SORBS2: variants seen among roughly 807,000 people sequenced by gnomAD.
The protein encoded by SORBS2 is sorbin and SH3 domain containing 2.
A neutral mutation model predicts 97.7 loss-of-function variants in SORBS2; 46 were observed. The ratio of observed to expected loss-of-function variants is 0.47; its 90% CI spans 0.37 to 0.60. SORBS2 has a LOEUF of 0.60. SORBS2 is among the 20% of genes least tolerant of loss of function. The probability of loss-of-function intolerance (pLI) is 0.00; values close to 1 mark genes in which losing one functional copy is unlikely to be tolerated. For missense variants in SORBS2, 1,316 were observed against 1,282.3 expected (o/e 1.03, Z -0.40); for synonymous variants, 476 against 473.4 (o/e 1.01, Z -0.07).
intron 2 of SORBS2, among the ~76,000 whole-genome samples, chr4:185,761,202 C>A (rs2098887339): frequency 6.6e-6 from 1 of 152,178 alleles, no homozygotes; most frequent in Non-Finnish European, 1.5e-5. Flanking sequence ...TCAGTAATGT[C>A]TTTATTCATT....
intron 1 of SORBS2, among the ~76,000 whole-genome samples, chr4:185,954,617 G>C (rs879475720): frequency 6.6e-6 from 1 of 152,156 alleles, no homozygotes; most frequent in Non-Finnish European, 1.5e-5. Context: ...TAAACGAAGC[G>C]TCTCTTATTG....
chr4:185,954,551 G>A (rs937377841), intron 1 of SORBS2, among the ~76,000 whole-genome samples: 16 of 152,166 alleles, frequency 1.1e-4, no homozygotes, highest in African/African-American at 2.9e-4. Context: ...TCACAGAGGC[G>A]AAGTGTATTT....
At chr4:185,626,879 G>C (rs375483585) in exon 6 of SORBS2, 1 of 1,614,236 alleles carries the variant, frequency 6.2e-7, no homozygotes, top group Non-Finnish European at 8.5e-7. Context: ...GAAAGACTTT[G>C]TAAGAGTGGT....
At chr4:185,813,764 C>G (rs1311988896) in intron 1 of SORBS2, among the ~76,000 whole-genome samples, 1 of 152,220 alleles carries the variant, frequency 6.6e-6, no homozygotes, top group Non-Finnish European at 1.5e-5. Context: ...CCACCTCACT[C>G]ATGACTCTCC....
At chr4:185,952,584 C>T (rs1045705124) in intron 1 of SORBS2, among the ~76,000 whole-genome samples, 2 of 152,192 alleles carry the variant, frequency 1.3e-5, no homozygotes, top group East Asian at 1.9e-4. Flanking sequence ...GCATGCAGTG[C>T]AGTTCCCTTG....
chr4:185,702,288 G>C (rs2098274907), intron 2 of SORBS2, among the ~76,000 whole-genome samples: 1 of 152,128 alleles, frequency 6.6e-6, no homozygotes, highest in Non-Finnish European at 1.5e-5. Flanking sequence ...TGGTGGAGGG[G>C]AGAAGGTTAA....
At chr4:185,754,519 C>T (rs1019366398) in intron 2 of SORBS2, among the ~76,000 whole-genome samples, 6 of 152,100 alleles carry the variant, frequency 3.9e-5, no homozygotes, top group Admixed American at 6.6e-5. Flanking sequence ...CTTGATAACA[C>T]GTTTTATGTA....
At chr4:185,891,586 C>A (rs371362786) in intron 1 of SORBS2, among the ~76,000 whole-genome samples, 1 of 152,154 alleles carries the variant, frequency 6.6e-6, no homozygotes, top group East Asian at 1.9e-4. Context: ...GCACTTCTGA[C>A]CACCAATGGC....
chr4:185,814,927 T>C, intron 1 of SORBS2, among the ~76,000 whole-genome samples: 1 of 152,234 alleles, frequency 6.6e-6, no homozygotes, highest in Non-Finnish European at 1.5e-5. Context: ...CTAGCCCAGG[T>C]CCCTGACGTT....
intron 2 of SORBS2, among the ~76,000 whole-genome samples, chr4:185,702,218 G>A (rs79379361): frequency 0.042 from 6,456 of 152,184 alleles, 339 homozygotes; most frequent in East Asian, 0.22. Context: ...CAGCCTGCAC[G>A]GGACGCATGG....
At chr4:185,791,680 T>A (rs967656250) in intron 1 of SORBS2, among the ~76,000 whole-genome samples, 5 of 151,762 alleles carry the variant, frequency 3.3e-5, no homozygotes, top group Admixed American at 6.6e-5. Flanking sequence ...ATACTTGATA[T>A]TTGTCACACT....
At chr4:185,866,500 A>G (rs2099226955) in intron 1 of SORBS2, among the ~76,000 whole-genome samples, 1 of 152,220 alleles carries the variant, frequency 6.6e-6, no homozygotes, top group Non-Finnish European at 1.5e-5. Context: ...AGCCCCATTC[A>G]AGAGCGTCAT....
Position 185,939,574 on chromosome 4 carries a change from G to A in SORBS2, c.-338+16622C>T, listed in dbSNP as rs182172282. Among the ~76,000 whole-genome samples, 51 of 152,000 alleles carry A rather than the reference G, an allele frequency of 3.4e-4. 1 individual carries two copies. The highest frequency in any genetic ancestry group is 3.4e-3 in the Middle Eastern group (1 of 294). On this transcript the variant is annotated intron_variant, in intron 1 of 20. Transcript: ENST00000284776. ...TGCCCAGGCTGGAGTGCGATGGCGCGACCTCGGCTCACCGCAACCTCTGCC... is the reference window on the plus strand; with the variant it reads ...TGCCCAGGCTGGAGTGCGATGGCGCAACCTCGGCTCACCGCAACCTCTGCC...
chr4:185,707,001 G>T (rs2098353481), intron 2 of SORBS2, among the ~76,000 whole-genome samples: 2 of 152,218 alleles, frequency 1.3e-5, no homozygotes, highest in Admixed American at 1.3e-4. Context: ...TGCTTTTCTT[G>T]TGAATTAACT....
intron 1 of SORBS2, among the ~76,000 whole-genome samples, chr4:185,878,422 G>T (rs62335021): frequency 0.13 from 19,664 of 152,006 alleles, 1,547 homozygotes; most frequent in Non-Finnish European, 0.18. Flanking sequence ...TCGTCCCTCC[G>T]CCTTATTTCC....
At chr4:185,710,795 G>A (rs1367016588) in intron 2 of SORBS2, among the ~76,000 whole-genome samples, 2 of 152,180 alleles carry the variant, frequency 1.3e-5, no homozygotes, top group Non-Finnish European at 2.9e-5. Context: ...TGGGAGGTGA[G>A]CGGGCACAGT....
Position 185,679,670 on chromosome 4 carries a change from G to A in SORBS2, c.-197-848C>T, listed in dbSNP as rs10032877. Among the ~76,000 whole-genome samples, 1,366 of 152,208 alleles carry A rather than the reference G, an allele frequency of 9.0e-3. 26 individuals carry two copies. Among genetic ancestry groups the A allele is most frequent in the African/African-American group, 0.031 (1,273 of 41,522 alleles). On this transcript the variant is annotated intron_variant, in intron 2 of 20. Transcript: ENST00000284776. ...GATTCATTAAGCTTTAACTTTGGAG[G>A]TGATCCTAGGGGTTGGATCATTAGC...
chr4:185,953,657 G>A (rs972601978), intron 1 of SORBS2, among the ~76,000 whole-genome samples: 7 of 152,242 alleles, frequency 4.6e-5, no homozygotes, highest in African/African-American at 1.4e-4. Flanking sequence ...ACGCTAATAA[G>A]GGCCTTTCTG....
intron 5 of SORBS2, 126 bp downstream of exon 17, chr4:185,630,423 A>G (rs2096887962): frequency 2.1e-6 from 1 of 486,156 alleles, no homozygotes; most frequent in Non-Finnish European, 3.6e-6. Context: ...CAACTTCATG[A>G]GGCATGGTAC....
Sources: gnomAD v4.1 joint callset for allele counts (sites outside exome capture counted in the v4.1 genomes callset) on GRCh38, gnomAD v4.1.1 for gene constraint, MANE v1.5 for transcripts, NCBI Gene and HGNC (gene_info 2026-07-23, HGNC 2026-07-21) for gene names.